Variants in ANO6 observed in about 807,000 individuals in gnomAD.
The protein encoded by ANO6 is anoctamin 6, also known as anoctamin-6.
ANO6 carries 106 observed loss-of-function variants against 117.5 expected under a neutral mutation model. The observed-to-expected ratio is 0.90, with a 90% CI of 0.77 to 1.06. ANO6 has a LOEUF of 1.06. Ranked by LOEUF, ANO6 falls within the 50% of genes least tolerant of loss-of-function variation. The probability of loss-of-function intolerance (pLI) is 0.00; values close to 1 mark genes in which losing one functional copy is unlikely to be tolerated. For missense variants in ANO6, 955 were observed against 1,121.1 expected (o/e 0.85, Z 2.12); for synonymous variants, 367 against 385.1 (o/e 0.95, Z 0.55).
intron 1 of ANO6, among the ~76,000 whole-genome samples, chr12:45,286,195 T>C (rs1938908584): frequency 6.6e-6 from 1 of 152,212 alleles, no homozygotes; most frequent in African/African-American, 2.4e-5. Flanking sequence ...AAGAGAGATC[T>C]CCTCGTGTTG....
At chr12:45,260,619 G>T (rs1227942616) in intron 1 of ANO6, among the ~76,000 whole-genome samples, 1 of 152,112 alleles carries the variant, frequency 6.6e-6, no homozygotes, top group Non-Finnish European at 1.5e-5. Context: ...GCATGAATTA[G>T]GTGCTAGTCT....
chr12:45,235,613 T>C (rs79010229), intron 1 of ANO6, among the ~76,000 whole-genome samples: 2,857 of 152,258 alleles, frequency 0.019, 54 homozygotes, highest in East Asian at 0.068. Context: ...TATGCCGCCT[T>C]TTAACTCCAG....
chr12:45,432,056 A>G lies in ANO6; in HGVS notation c.*2745A>G. On this transcript the variant is annotated 3_prime_UTR_variant, in exon 20 of 20. Coordinates refer to ENST00000320560, the MANE Select transcript of ANO6 (RefSeq NM_001025356.3). ...CTTTTTTATTGCATGTGTGCCTTGA[A>G]TTTCATAAAACATTAATTCACAATG... 1.0e-6 allele frequency: 1 copy of G among 985,432 alleles called. No individual in the cohort carries two copies. The highest frequency in any genetic ancestry group is 1.2e-6 in the Non-Finnish European group (1 of 829,918). 61.0% of individuals were successfully genotyped at this position (985,432 alleles called of 1,614,324 possible). A position where few individuals can be genotyped will look rare whatever the true frequency, so the allele number is the denominator to read the frequency against.
intron 17 of ANO6, among the ~76,000 whole-genome samples, chr12:45,419,155 A>G (rs1418381738): frequency 6.6e-6 from 1 of 152,262 alleles, no homozygotes; most frequent in Non-Finnish European, 1.5e-5. Flanking sequence ...TCTGTTATTG[A>G]AGACCAATTT....
intron 9 of ANO6, among the ~76,000 whole-genome samples, chr12:45,377,283 T>G (rs1403860125): frequency 6.6e-6 from 1 of 152,144 alleles, no homozygotes; most frequent in Admixed American, 6.5e-5. Context: ...TGCTCACTAA[T>G]GAAAAATTAG....
At chr12:45,247,899 GT>G (rs1248372776) in intron 1 of ANO6, among the ~76,000 whole-genome samples, 1 of 152,162 alleles carries the variant, frequency 6.6e-6, no homozygotes, top group Non-Finnish European at 1.5e-5. Context: ...GAAGGACACA[GT>G]TCAGTTCATA....
chr12:45,385,587 C>T (rs1276535678), intron 10 of ANO6, among the ~76,000 whole-genome samples: 1 of 152,076 alleles, frequency 6.6e-6, no homozygotes, highest in African/African-American at 2.4e-5. Context: ...GTATCTGCCA[C>T]CTGAGACCAG....
At chr12:45,432,794 T>C (rs531108933), downstream of ANO6, among the ~76,000 whole-genome samples, 2 of 152,306 alleles carry the variant, frequency 1.3e-5, no homozygotes, top group South Asian at 2.1e-4. Context: ...TGCTGCCTTC[T>C]CTCTATAGGA....
intron 2 of ANO6, among the ~76,000 whole-genome samples, chr12:45,323,704 G>T (rs1940360054): frequency 6.6e-6 from 1 of 152,104 alleles, no homozygotes; most frequent in Non-Finnish European, 1.5e-5. Flanking sequence ...AAGGCACATG[G>T]CTAGTTGTAC....
chr12:45,426,597 T>C (rs931420445), intron 19 of ANO6, among the ~76,000 whole-genome samples: 2 of 152,078 alleles, frequency 1.3e-5, no homozygotes, highest in African/African-American at 4.8e-5. Flanking sequence ...ACATTTGACT[T>C]AGCAAAAATC....
intron 1 of ANO6, among the ~76,000 whole-genome samples, chr12:45,245,033 A>G (rs1947803648): frequency 6.6e-6 from 1 of 152,212 alleles, no homozygotes; most frequent in Non-Finnish European, 1.5e-5. Context: ...GTAGAGTGGC[A>G]GTGGTAGTTT....
At chr12:45,239,506 GA>G (rs1369852934) in intron 1 of ANO6, among the ~76,000 whole-genome samples, 1 of 15,332 alleles carries the variant, frequency 6.5e-5, no homozygotes, top group Non-Finnish European at 4.3e-4. Context: ...TGGATTCATT[GA>G]TTTTTTTTTT....
chr12:45,334,496 C>G (rs1940767567), intron 3 of ANO6, among the ~76,000 whole-genome samples: 1 of 152,030 alleles, frequency 6.6e-6, no homozygotes, highest in Admixed American at 6.6e-5. Flanking sequence ...AGGAATGCCC[C>G]TTCTCAGGGC....
intron 19 of ANO6, among the ~76,000 whole-genome samples, chr12:45,438,275 G>A (rs1471978821): frequency 1.3e-5 from 2 of 150,078 alleles, no homozygotes; most frequent in African/African-American, 4.9e-5. Flanking sequence ...GTGTGTGTGT[G>A]TATGTATGTG....
At chr12:45,244,513 T>C (rs958569974) in intron 1 of ANO6, among the ~76,000 whole-genome samples, 4 of 151,914 alleles carry the variant, frequency 2.6e-5, no homozygotes, top group Non-Finnish European at 4.4e-5. Flanking sequence ...CGCAGGTCTC[T>C]GGTGAGAGGA....
chr12:45,254,519 A>G (rs892258011), intron 1 of ANO6, among the ~76,000 whole-genome samples: 11 of 152,234 alleles, frequency 7.2e-5, no homozygotes, highest in Non-Finnish European at 1.5e-4. Flanking sequence ...TGAAGGCGTC[A>G]TAGATACTAA....
intron 1 of ANO6, among the ~76,000 whole-genome samples, chr12:45,259,778 A>G (rs755296686): frequency 4.6e-5 from 7 of 152,264 alleles, no homozygotes; most frequent in Non-Finnish European, 8.8e-5. Flanking sequence ...CATATGTTCT[A>G]TTCTGAAAAT....
At chr12:45,233,232 G>C (rs915036089) in intron 1 of ANO6, among the ~76,000 whole-genome samples, 1 of 152,120 alleles carries the variant, frequency 6.6e-6, no homozygotes, top group African/African-American at 2.4e-5. Context: ...AATATTTGTT[G>C]CCCATGAAAA....
intron 12 of ANO6, among the ~76,000 whole-genome samples, chr12:45,393,280 G>A (rs1942507247): frequency 6.6e-6 from 1 of 152,126 alleles, no homozygotes; most frequent in Admixed American, 6.5e-5. Flanking sequence ...AATAAAGAGA[G>A]AAGACAAGGT....
Sources: gnomAD v4.1 joint callset for allele counts (sites outside exome capture counted in the v4.1 genomes callset) on GRCh38, gnomAD v4.1.1 for gene constraint, MANE v1.5 for transcripts, NCBI Gene and HGNC (gene_info 2026-07-23, HGNC 2026-07-21) for gene names.